The following MGAT4D variants were observed in gnomAD, a reference collection of about 807,000 sequenced individuals.
MGAT4D encodes the protein MGAT4 family member D.
In MGAT4D, 34 loss-of-function variants were observed where a neutral mutation model predicts 15.9. The observed-to-expected ratio is 2.14, with a 90% CI of 1.62 to 2.84. The LOEUF is 2.84. MGAT4D is among the 30% of genes most tolerant of loss of function. The pLI is 0.00. For synonymous variants in MGAT4D, 112 were observed against 48.2 expected (o/e 2.33, Z -5.49); for missense variants, 327 against 140.2 (o/e 2.33, Z -6.73).
intron 10 of MGAT4D, among the ~76,000 whole-genome samples, chr4:140,449,657 G>A (rs922992908): frequency 3.3e-5 from 5 of 152,140 alleles, no homozygotes; most frequent in Admixed American, 1.3e-4. Flanking sequence ...CTACTTGGGA[G>A]GCTGAGGCAG....
At chr4:140,489,745 T>C (rs1468850575) in intron 1 of MGAT4D, among the ~76,000 whole-genome samples, 1 of 152,198 alleles carries the variant, frequency 6.6e-6, no homozygotes, top group African/African-American at 2.4e-5. Context: ...TACCACAACA[T>C]GTTTGTCTCT....
intron 1 of MGAT4D, among the ~76,000 whole-genome samples, chr4:140,485,379 C>T (rs1474327617): frequency 6.6e-6 from 1 of 151,484 alleles, no homozygotes. Flanking sequence ...GGAAGGGGAA[C>T]ATCACACTCT....
intron 6 of MGAT4D, 37 bp from the exon 7 acceptor site, chr4:140,462,041 T>C: frequency 1.5e-6 from 1 of 686,016 alleles, no homozygotes; most frequent in Non-Finnish European, 2.7e-6. Flanking sequence ...ATATTTGTCA[T>C]TATTAATTTT....
intron 3 of MGAT4D, among the ~76,000 whole-genome samples, chr4:140,475,561 A>T (rs1319636038): frequency 6.7e-6 from 1 of 149,652 alleles, no homozygotes; most frequent in Non-Finnish European, 1.5e-5. Context: ...CAACATCTCC[A>T]GCCTTATGTC....
intron 7 of MGAT4D, among the ~76,000 whole-genome samples, chr4:140,460,307 C>G (rs1034749110): frequency 5.3e-5 from 8 of 152,126 alleles, no homozygotes; most frequent in African/African-American, 1.9e-4. Context: ...AGTCCTGGAG[C>G]CTGGGAAGGC....
intron 1 of MGAT4D, among the ~76,000 whole-genome samples, chr4:140,483,659 T>C (rs1732893934): frequency 6.6e-6 from 1 of 152,020 alleles, no homozygotes; most frequent in African/African-American, 2.4e-5. Context: ...ACTGGCATAA[T>C]AACAGACACA....
At chr4:140,447,693 G>A (rs1370612944) in intron 10 of MGAT4D, among the ~76,000 whole-genome samples, 1 of 152,098 alleles carries the variant, frequency 6.6e-6, no homozygotes, top group Admixed American at 6.6e-5. Context: ...GAGGGATTTA[G>A]CCTATTTACA....
chr4:140,451,375 T>C (rs1432791169), intron 10 of MGAT4D, 35 bp downstream of exon 10: 1 of 553,962 alleles, frequency 1.8e-6, no homozygotes. Flanking sequence ...TTATAAAACA[T>C]TGTATGTTAC....
chr4:140,442,764 A>G lies in MGAT4D; in HGVS notation c.*672T>C, dbSNP rs923479817. ...ACACAGGTAAAGTTCTATAACCACT[A>G]TGCAAGTAATTTAGAAATTAACAAT... On this transcript the variant is annotated 3_prime_UTR_variant, in exon 11 of 11. Transcript: ENST00000511113. The G allele has an allele frequency of 6.6e-6, 1 of 152,152 alleles. No individual in the cohort carries two copies. 9.4% of individuals were successfully genotyped at this position (152,152 alleles called of 1,614,324 possible).
chr4:140,457,054 T>A (rs1730857800), intron 8 of MGAT4D: 1 of 154,504 alleles, frequency 6.5e-6, no homozygotes, highest in Non-Finnish European at 1.4e-5. Flanking sequence ...TTTACTTAAT[T>A]TTGTACAAAC....
chr4:140,464,287 C>T (rs142401976), intron 6 of MGAT4D, among the ~76,000 whole-genome samples: 2 of 152,240 alleles, frequency 1.3e-5, no homozygotes, highest in East Asian at 1.9e-4. Flanking sequence ...TTACATTTCC[C>T]ATAATACTTA....
At chr4:140,497,050 C>CATATTCCTAA (rs1733883392) in intron 1 of MGAT4D, among the ~76,000 whole-genome samples, 1 of 151,994 alleles carries the variant, frequency 6.6e-6, no homozygotes, top group Non-Finnish European at 1.5e-5. Flanking sequence ...CATTCCTAAT[C>CATATTCCTAA]TTTGAAACAA....
chr4:140,461,880 TACAC>T (rs10644682), intron 7 of MGAT4D, 45 bp downstream of exon 7: 64,058 of 532,586 alleles, frequency 0.12, 1,542 homozygotes, highest in Admixed American at 0.18. Flanking sequence ...AATTGGTGTA[TACAC>T]ACACACACAC....
At chr4:140,479,379 G>A (rs1732544291) in intron 3 of MGAT4D, 111 bp downstream of exon 3, 1 of 364,472 alleles carries the variant, frequency 2.7e-6, no homozygotes, top group African/African-American at 2.1e-5. Flanking sequence ...CAGATAGGCT[G>A]TAGTCTGCAT....
At chr4:140,453,326 A>C (rs1730590229) in intron 9 of MGAT4D, among the ~76,000 whole-genome samples, 1 of 152,072 alleles carries the variant, frequency 6.6e-6, no homozygotes, top group Admixed American at 6.6e-5. Context: ...ATTGTGTTAC[A>C]TCCATAGACC....
chr4:140,454,296 G>C (rs1005606661), intron 9 of MGAT4D, among the ~76,000 whole-genome samples: 4 of 152,002 alleles, frequency 2.6e-5, no homozygotes, highest in African/African-American at 9.7e-5. Flanking sequence ...TTCCTAATTG[G>C]CTGGGAGGTT....
intron 10 of MGAT4D, among the ~76,000 whole-genome samples, chr4:140,445,794 C>T (rs1023823225): frequency 2.0e-5 from 3 of 152,094 alleles, no homozygotes. Context: ...AAGTCTTTTC[C>T]CCCATTGCTT....
chr4:140,497,882 G>C (rs1326806651), intron 1 of MGAT4D, among the ~76,000 whole-genome samples: 1 of 152,244 alleles, frequency 6.6e-6, no homozygotes, highest in African/African-American at 2.4e-5. Context: ...AGATGCGTTA[G>C]CGCGCGTGCA....
At chr4:140,449,843 C>G (rs2126674706) in intron 10 of MGAT4D, 1 of 172,540 alleles carries the variant, frequency 5.8e-6, no homozygotes, top group South Asian at 2.0e-4. Context: ...TTTAAAAAGA[C>G]TTAAAGAAAT....
Sources: gnomAD v4.1 joint callset for allele counts (sites outside exome capture counted in the v4.1 genomes callset) on GRCh38, gnomAD v4.1.1 for gene constraint, MANE v1.5 for transcripts, NCBI Gene and HGNC (gene_info 2026-07-23, HGNC 2026-07-21) for gene names.